PTPRM: variants seen among roughly 807,000 people sequenced by gnomAD.
PTPRM encodes the protein protein tyrosine phosphatase receptor type M, also known as receptor-type tyrosine-protein phosphatase mu.
PTPRM carries 47 observed loss-of-function variants against 186.7 expected under a neutral mutation model. The ratio of observed to expected loss-of-function variants is 0.25; its 90% CI spans 0.20 to 0.32. The LOEUF is 0.32. Ranked by LOEUF, PTPRM falls within the 10% of genes least tolerant of loss-of-function variation. The probability of loss-of-function intolerance (pLI) is 1.00; values close to 1 mark genes in which losing one functional copy is unlikely to be tolerated. For missense variants in PTPRM, 1,494 were observed against 1,865.0 expected (o/e 0.80, Z 3.66); for synonymous variants, 668 against 674.9 (o/e 0.99, Z 0.16).
chr18:7,750,452 CT>C (rs2041158001), intron 1 of PTPRM, among the ~76,000 whole-genome samples: 1 of 152,196 alleles, frequency 6.6e-6, no homozygotes, highest in Admixed American at 6.5e-5. Flanking sequence ...TCTTTTTGTT[CT>C]GGTGAATATT....
intron 23 of PTPRM, among the ~76,000 whole-genome samples, chr18:8,347,291 G>T (rs2095510504): frequency 6.6e-6 from 1 of 152,190 alleles, no homozygotes; most frequent in African/African-American, 2.4e-5. Flanking sequence ...AAAGGCACAT[G>T]TATTTTTTGC....
At chr18:8,256,185 C>A (rs2094573133) in intron 19 of PTPRM, among the ~76,000 whole-genome samples, 1 of 152,158 alleles carries the variant, frequency 6.6e-6, no homozygotes, top group Non-Finnish European at 1.5e-5. Flanking sequence ...TGAGTGCTAA[C>A]TGGTGTAGTG....
intron 13 of PTPRM, among the ~76,000 whole-genome samples, chr18:8,125,428 T>C (rs1343353921): frequency 6.6e-6 from 1 of 152,108 alleles, no homozygotes; most frequent in African/African-American, 2.4e-5. Context: ...TACATACATG[T>C]ACATTTAACT....
At chr18:8,090,699 G>A (rs1391885476) in intron 11 of PTPRM, among the ~76,000 whole-genome samples, 3 of 152,052 alleles carry the variant, frequency 2.0e-5, no homozygotes, top group African/African-American at 4.8e-5. Context: ...AGGTTCAAGC[G>A]ATTTCTTCTA....
intron 22 of PTPRM, among the ~76,000 whole-genome samples, chr18:8,321,535 T>C (rs2095345724): frequency 6.6e-6 from 1 of 152,214 alleles, no homozygotes; most frequent in Non-Finnish European, 1.5e-5. Flanking sequence ...TCTGGCAGCA[T>C]TCTAGTGTTA....
At position 7,779,748 on chromosome 18, in the gene PTPRM, A is replaced by T. The variant is rs530760213; in HGVS notation, c.196+5477A>T. 5.3e-5 allele frequency among the ~76,000 whole-genome samples: 8 copies of T among 152,348 alleles called. No homozygotes were observed. In the South Asian group the frequency reaches 1.7e-3, roughly 32 times the overall value. On this transcript the variant is annotated intron_variant, in intron 2 of 32. Coordinates refer to ENST00000580170, the MANE Select transcript of PTPRM (RefSeq NM_001105244.2). ...GTGAGAAATGTTTTTGGCACAGAAT[A>T]TTCAGACAGTTCTCTAATTATCCTA...
At chr18:7,814,583 GT>G (rs1310808410) in intron 2 of PTPRM, 1 of 152,200 alleles carries the variant, frequency 6.6e-6, no homozygotes, top group Non-Finnish European at 1.5e-5. Context: ...AGGGATAATA[GT>G]GATGCTATAA....
At chr18:7,755,800 G>A (rs555042826) in intron 1 of PTPRM, among the ~76,000 whole-genome samples, 60 of 152,250 alleles carry the variant, frequency 3.9e-4, no homozygotes, top group African/African-American at 1.3e-3. Context: ...CCTGCTGCTC[G>A]CTGTGCGGGC....
intron 20 of PTPRM, among the ~76,000 whole-genome samples, chr18:8,297,265 G>A (rs1007177277): frequency 2.6e-5 from 4 of 152,182 alleles, no homozygotes; most frequent in Non-Finnish European, 2.9e-5. Context: ...ATGCAGATTA[G>A]GCCAAGAGAA....
At chr18:7,631,869 C>G (rs1453455793) in intron 1 of PTPRM, among the ~76,000 whole-genome samples, 3 of 152,064 alleles carry the variant, frequency 2.0e-5, no homozygotes, top group Admixed American at 6.5e-5. Flanking sequence ...ACAGATCTGT[C>G]AAGGATAATA....
chr18:7,679,568 G>C lies in PTPRM; in HGVS notation c.74-94581G>C, dbSNP rs990141809. On this transcript the variant is annotated intron_variant, in intron 1 of 32. Transcript: ENST00000580170. The stretch of plus-strand genomic sequence containing the variant: ...TAATCCCAGCTATTCGGGAGGCCGA[G>C]GCACGAGAATCACTTGAACCCGGGA... Among the ~76,000 whole-genome samples the C allele has an allele frequency of 2.0e-5, 3 of 152,286 alleles. No individual in the cohort carries two copies. In the East Asian group the frequency reaches 5.8e-4, roughly 29 times the overall value.
At chr18:8,401,254 C>A (rs974367965) in intron 32 of PTPRM, among the ~76,000 whole-genome samples, 8 of 152,168 alleles carry the variant, frequency 5.3e-5, no homozygotes, top group Admixed American at 1.3e-4. Context: ...CAATAAGGAA[C>A]TGGGCATGGA....
chr18:7,795,991 A>G (rs1465895309), intron 2 of PTPRM, among the ~76,000 whole-genome samples: 1 of 151,604 alleles, frequency 6.6e-6, no homozygotes, highest in Admixed American at 6.6e-5. Context: ...TAAATTTTTT[A>G]TAGAGACAGA....
At chr18:8,049,712 T>TG (rs920556000) in intron 7 of PTPRM, among the ~76,000 whole-genome samples, 4 of 149,500 alleles carry the variant, frequency 2.7e-5, no homozygotes, top group African/African-American at 9.8e-5. Context: ...TCTGTGAGGT[T>TG]TTTTTTTTTT....
chr18:7,860,147 A>G (rs2146040456), intron 2 of PTPRM, among the ~76,000 whole-genome samples: 1 of 151,604 alleles, frequency 6.6e-6, no homozygotes, highest in East Asian at 1.9e-4. Context: ...GTCTCAGCTC[A>G]CTGCAACTTC....
intron 32 of PTPRM, 56 bp from the exon 33 acceptor site, chr18:8,406,053 A>G: frequency 6.7e-7 from 1 of 1,500,128 alleles, no homozygotes; most frequent in South Asian, 1.1e-5. Flanking sequence ...TAATTGCTTT[A>G]CTAGGAACAG....
At chr18:8,184,306 A>T (rs994227091) in intron 14 of PTPRM, among the ~76,000 whole-genome samples, 2 of 147,266 alleles carry the variant, frequency 1.4e-5, no homozygotes, top group South Asian at 4.3e-4. Flanking sequence ...GATTGGTTTG[A>T]TGTGTTTTAT....
At chr18:7,912,511 T>C (rs1406356289) in intron 4 of PTPRM, among the ~76,000 whole-genome samples, 2 of 152,038 alleles carry the variant, frequency 1.3e-5, no homozygotes, top group Non-Finnish European at 2.9e-5. Context: ...CTGAATCCTT[T>C]GTACTTTCTT....
chr18:7,800,385 T>C (rs564221548), intron 2 of PTPRM, among the ~76,000 whole-genome samples: 1 of 152,318 alleles, frequency 6.6e-6, no homozygotes, highest in South Asian at 2.1e-4. Flanking sequence ...ACCTTGTGCA[T>C]GATACTGGGG....
Sources: gnomAD v4.1 joint callset for allele counts (sites outside exome capture counted in the v4.1 genomes callset) on GRCh38, gnomAD v4.1.1 for gene constraint, MANE v1.5 for transcripts, NCBI Gene and HGNC (gene_info 2026-07-23, HGNC 2026-07-21) for gene names.